Variants in AKAP13 observed in about 807,000 individuals in gnomAD.
AKAP13 encodes the protein A-kinase anchoring protein 13.
AKAP13 carries 80 observed loss-of-function variants against 264.5 expected under a neutral mutation model. The observed-to-expected ratio is 0.30, with a 90% CI of 0.25 to 0.36. The LOEUF (loss-of-function observed/expected upper bound fraction) is 0.36, where lower values mean the gene tolerates loss of function less well. Among genes scored for constraint, AKAP13 ranks in the 10% least tolerant of loss-of-function variants. The pLI is 1.00. For missense variants in AKAP13, 3,712 were observed against 3,435.2 expected, an observed-to-expected ratio of 1.08 and a Z score of -2.01; for synonymous variants, 1,380 against 1,250.2, an observed-to-expected ratio of 1.10 and a Z score of -2.19.
At chr15:85,399,467 C>T (rs1307278483) in intron 1 of AKAP13, among the ~76,000 whole-genome samples, 1 of 130,578 alleles carries the variant, frequency 7.7e-6, no homozygotes, top group Non-Finnish European at 1.5e-5. Context: ...CTGCAGTCCG[C>T]AGTCCGGCCT....
At chr15:85,584,322 T>A (rs2079246714) in intron 7 of AKAP13, among the ~76,000 whole-genome samples, 1 of 152,158 alleles carries the variant, frequency 6.6e-6, no homozygotes, top group Non-Finnish European at 1.5e-5. Context: ...CCGACACCCG[T>A]CAAGTGTGAG....
At position 85,578,603 on chromosome 15, in the gene AKAP13, C is replaced by G. The variant is rs373756461; in HGVS notation, c.862-327C>G. ...AGGTGATCTGCCTGCCTCAGCCTCC[C>G]AAAGTGCTGGGATTACAGGCATGAG... On this transcript the variant is annotated intron_variant, in intron 6 of 36. Coordinates refer to ENST00000394518, the MANE Select transcript of AKAP13 (RefSeq NM_007200.5). Among the ~76,000 whole-genome samples, 144 of 152,274 alleles carry G rather than the reference C, an allele frequency of 9.5e-4. 3 individuals carry two copies. The East Asian group carries it at 0.018, about 19-fold the overall frequency.
intron 8 of AKAP13, among the ~76,000 whole-genome samples, chr15:85,612,056 A>G (rs12906580): frequency 0.2 from 30,897 of 152,234 alleles, 4,156 homozygotes; most frequent in Middle Eastern, 0.41. Context: ...TAGTTGCCTA[A>G]TGATTAAACT....
At chr15:85,589,504 C>G (rs13379958) in intron 8 of AKAP13, among the ~76,000 whole-genome samples, 1 of 151,552 alleles carries the variant, frequency 6.6e-6, no homozygotes, top group African/African-American at 2.4e-5. Flanking sequence ...GCCTGTAATT[C>G]TGCCACTTTG....
At chr15:85,381,214 C>T (rs1014357183) in intron 1 of AKAP13, among the ~76,000 whole-genome samples, 5 of 152,070 alleles carry the variant, frequency 3.3e-5, no homozygotes, top group Admixed American at 6.5e-5. Context: ...CTGGGGCGGG[C>T]GGCCGCGGTG....
intron 19 of AKAP13, among the ~76,000 whole-genome samples, chr15:85,715,166 G>A (rs2086857493): frequency 6.6e-6 from 1 of 152,100 alleles, no homozygotes; most frequent in Non-Finnish European, 1.5e-5. Context: ...AAGCATGAAA[G>A]ATAGCCTGTT....
chr15:85,639,017 C>G (rs1465233200), intron 8 of AKAP13, among the ~76,000 whole-genome samples: 4 of 152,102 alleles, frequency 2.6e-5, no homozygotes, highest in African/African-American at 9.7e-5. Flanking sequence ...CCTCAGCCTC[C>G]CAAAGTGTTG....
chr15:85,736,373 T>C (rs2088502581), intron 33 of AKAP13, among the ~76,000 whole-genome samples: 1 of 152,152 alleles, frequency 6.6e-6, no homozygotes, highest in Non-Finnish European at 1.5e-5. Flanking sequence ...AGATGGCCTT[T>C]GATTCGTTTC....
intron 2 of AKAP13, among the ~76,000 whole-genome samples, chr15:85,490,151 G>A (rs761362757): frequency 2.0e-5 from 3 of 152,170 alleles, no homozygotes; most frequent in Non-Finnish European, 4.4e-5. Flanking sequence ...TGGTATGAGG[G>A]CCTGGATTGT....
intron 1 of AKAP13, among the ~76,000 whole-genome samples, chr15:85,474,871 A>T (rs566586443): frequency 6.6e-6 from 1 of 152,224 alleles, no homozygotes; most frequent in Non-Finnish European, 1.5e-5. Context: ...TGACATTTTT[A>T]ACGTCTCTGA....
At chr15:85,487,202 A>C (rs1057160391) in intron 2 of AKAP13, among the ~76,000 whole-genome samples, 3 of 152,206 alleles carry the variant, frequency 2.0e-5, no homozygotes, top group African/African-American at 7.2e-5. Flanking sequence ...GTACAGGATC[A>C]AGTGATCAGA....
At chr15:85,388,400 T>C (rs772408611) in intron 1 of AKAP13, among the ~76,000 whole-genome samples, 5 of 152,134 alleles carry the variant, frequency 3.3e-5, no homozygotes, top group Non-Finnish European at 5.9e-5. Flanking sequence ...TAATGTGTAA[T>C]AGGAGTTTTA....
At chr15:85,615,313 T>C (rs935160131) in intron 8 of AKAP13, among the ~76,000 whole-genome samples, 1 of 152,228 alleles carries the variant, frequency 6.6e-6, no homozygotes, top group African/African-American at 2.4e-5. Context: ...AGGTCTCTCC[T>C]TCTCCTTTAC....
At chr15:85,395,555 C>T (rs923082706) in intron 1 of AKAP13, among the ~76,000 whole-genome samples, 2 of 152,118 alleles carry the variant, frequency 1.3e-5, no homozygotes, top group Non-Finnish European at 2.9e-5. Flanking sequence ...GTTAAAGTTA[C>T]TCTTTTATTT....
chr15:85,410,635 C>G (rs997590610), intron 1 of AKAP13, among the ~76,000 whole-genome samples: 3 of 151,542 alleles, frequency 2.0e-5, no homozygotes, highest in Admixed American at 2.0e-4. Context: ...CATTTCTCTT[C>G]TGCGACTCTC....
intron 8 of AKAP13, among the ~76,000 whole-genome samples, chr15:85,593,837 C>G (rs978814638): frequency 7.2e-5 from 11 of 152,012 alleles, no homozygotes; most frequent in African/African-American, 2.2e-4. Context: ...ATGATAATAG[C>G]TAAGTATAAG....
intron 2 of AKAP13, among the ~76,000 whole-genome samples, chr15:85,489,413 T>A (rs1362224340): frequency 1.3e-5 from 2 of 152,212 alleles, no homozygotes; most frequent in African/African-American, 2.4e-5. Context: ...ATCTCCTTTT[T>A]AAAAGGAGAG....
At chr15:85,608,223 G>A (rs1456596345) in intron 8 of AKAP13, among the ~76,000 whole-genome samples, 1 of 152,182 alleles carries the variant, frequency 6.6e-6, no homozygotes, top group Non-Finnish European at 1.5e-5. Context: ...TTTTCCTTGG[G>A]TTGTGGTTAT....
intron 5 of AKAP13, among the ~76,000 whole-genome samples, chr15:85,546,157 G>A (rs28420199): frequency 0.32 from 49,043 of 151,898 alleles, 7,984 homozygotes; most frequent in South Asian, 0.43. Context: ...AAAACAATAC[G>A]TACTTCAAAA....
Sources: allele counts gnomAD v4.1 joint callset (sites outside exome capture counted in the v4.1 genomes callset), GRCh38; gene constraint gnomAD v4.1.1; transcripts MANE v1.5; gene names NCBI Gene and HGNC (gene_info 2026-07-23, HGNC 2026-07-21).